Variants in CLASP1 observed in about 807,000 individuals in gnomAD.
The protein encoded by CLASP1 is cytoplasmic linker associated protein 1, also known as CLIP-associating protein 1.
Under a neutral mutation model 192.3 loss-of-function variants are expected in CLASP1, and 38 were observed. That is an observed-to-expected ratio of 0.20 (90% CI 0.15 to 0.26). CLASP1 has a LOEUF of 0.26. CLASP1 is among the 10% of genes least tolerant of loss of function. The pLI is 1.00. For missense variants in CLASP1, 1,433 were observed against 1,932.5 expected, an observed-to-expected ratio of 0.74 and a Z score of 4.85; for synonymous variants, 691 against 712.8, an observed-to-expected ratio of 0.97 and a Z score of 0.49.
intron 1 of CLASP1, among the ~76,000 whole-genome samples, chr2:121,607,495 T>C (rs1372318483): frequency 6.6e-6 from 1 of 152,198 alleles, no homozygotes; most frequent in East Asian, 1.9e-4. Context: ...ATGAGAAAAG[T>C]ACCAAAACCG....
chr2:121,492,036 C>A (rs975091734), intron 8 of CLASP1, among the ~76,000 whole-genome samples: 3 of 152,076 alleles, frequency 2.0e-5, no homozygotes, highest in Non-Finnish European at 4.4e-5. Flanking sequence ...CTGTTGTTCA[C>A]AAGCAACAAA....
At chr2:121,479,430 ACTT>A (rs1384368261) in intron 8 of CLASP1, among the ~76,000 whole-genome samples, 1 of 152,224 alleles carries the variant, frequency 6.6e-6, no homozygotes, top group Non-Finnish European at 1.5e-5. Context: ...ACACCTAACA[ACTT>A]CAACAAAAGG....
At chr2:121,339,602 A>T (rs2062617117) in exon 40 of CLASP1, 2 of 152,176 alleles carry the variant, frequency 1.3e-5, no homozygotes, top group South Asian at 2.1e-4. Context: ...AGGTGTTTTT[A>T]AAAAGGGGGC....
At chr2:121,592,566 T>C (rs1451634973) in intron 2 of CLASP1, among the ~76,000 whole-genome samples, 1 of 152,206 alleles carries the variant, frequency 6.6e-6, no homozygotes, top group Non-Finnish European at 1.5e-5. Flanking sequence ...TTCAAAAACA[T>C]ATGAAGCCAA....
chr2:121,427,002 ATG>A (rs1574670735), intron 21 of CLASP1, among the ~76,000 whole-genome samples: 1 of 151,836 alleles, frequency 6.6e-6, no homozygotes, highest in Non-Finnish European at 1.5e-5. Context: ...GTAAATTTAT[ATG>A]TGTGTTTATT....
chr2:121,596,867 C>T (rs1417998842), intron 2 of CLASP1, among the ~76,000 whole-genome samples: 4 of 152,190 alleles, frequency 2.6e-5, no homozygotes, highest in South Asian at 2.1e-4. Context: ...CTGTGCACCG[C>T]CCTCTCATGT....
intron 7 of CLASP1, among the ~76,000 whole-genome samples, chr2:121,511,033 C>T (rs546162253): frequency 6.6e-6 from 1 of 152,158 alleles, no homozygotes; most frequent in Non-Finnish European, 1.5e-5. Flanking sequence ...ACTTACACAA[C>T]TGGCAGAGAG....
At chr2:121,443,617 T>C (rs1232968934) in intron 19 of CLASP1, among the ~76,000 whole-genome samples, 1 of 152,222 alleles carries the variant, frequency 6.6e-6, no homozygotes, top group Non-Finnish European at 1.5e-5. Context: ...GACAGAGGTT[T>C]CTTGTCCTTA....
exon 38 of CLASP1, chr2:121,348,657 C>T: frequency 6.2e-7 from 1 of 1,613,862 alleles, no homozygotes; most frequent in Non-Finnish European, 8.5e-7. Flanking sequence ...CACCTTGATG[C>T]ACTGCTCCGG....
chr2:121,481,021 G>A (rs1476777753), intron 8 of CLASP1, among the ~76,000 whole-genome samples: 4 of 152,198 alleles, frequency 2.6e-5, no homozygotes, highest in African/African-American at 9.7e-5. Flanking sequence ...TCAGTTCCAT[G>A]AGCCAAGTCA....
chr2:121,590,990 GCC>G (rs1466911008), intron 2 of CLASP1, among the ~76,000 whole-genome samples: 2 of 150,762 alleles, frequency 1.3e-5, no homozygotes, highest in Non-Finnish European at 2.9e-5. Flanking sequence ...GCCTCAGCCT[GCC>G]AAGCAGCTGG....
chr2:121,497,667 C>T (rs1422035197), intron 8 of CLASP1, among the ~76,000 whole-genome samples: 26 of 152,134 alleles, frequency 1.7e-4, no homozygotes, highest in Non-Finnish European at 4.4e-5. Flanking sequence ...CAAGAAGGTG[C>T]AGCCCAAAAA....
chr2:121,409,619 T>C (rs2077405866), intron 24 of CLASP1, among the ~76,000 whole-genome samples: 1 of 152,312 alleles, frequency 6.6e-6, no homozygotes, highest in South Asian at 2.1e-4. Flanking sequence ...AACTAAGAAA[T>C]TTCCCTGCCT....
intron 20 of CLASP1, among the ~76,000 whole-genome samples, chr2:121,428,634 A>G (rs1420642253): frequency 6.6e-6 from 1 of 152,166 alleles, no homozygotes; most frequent in Non-Finnish European, 1.5e-5. Context: ...TTTAAGTTCT[A>G]CACTAAGGAG....
intron 6 of CLASP1, among the ~76,000 whole-genome samples, chr2:121,517,133 G>A (rs1400664026): frequency 6.6e-6 from 1 of 152,214 alleles, no homozygotes; most frequent in Non-Finnish European, 1.5e-5. Context: ...CAGAAGAAAT[G>A]TAACAAATGT....
At chr2:121,416,957 T>G (rs1009675164) in intron 23 of CLASP1, among the ~76,000 whole-genome samples, 6 of 152,226 alleles carry the variant, frequency 3.9e-5, no homozygotes, top group African/African-American at 1.4e-4. Context: ...ACATAAGTTT[T>G]AGGGTTAGGT....
chr2:121,425,625 A>AGGTG (rs2080252896), intron 21 of CLASP1, among the ~76,000 whole-genome samples: 1 of 152,174 alleles, frequency 6.6e-6, no homozygotes, highest in African/African-American at 2.4e-5. Context: ...TAAAAATTTT[A>AGGTG]GGTGTCACTG....
chr2:121,417,545 A>C (rs1263119221), intron 23 of CLASP1, among the ~76,000 whole-genome samples: 1 of 152,172 alleles, frequency 6.6e-6, no homozygotes, highest in African/African-American at 2.4e-5. Context: ...TGCAATAGGT[A>C]AGGTGCCCCA....
At chr2:121,566,933 CA>C (rs796942378) in intron 2 of CLASP1, among the ~76,000 whole-genome samples, 19 of 152,316 alleles carry the variant, frequency 1.2e-4, no homozygotes, top group African/African-American at 4.1e-4. Context: ...AACAGCTTAA[CA>C]GCCCTGGTGT....
Sources: gnomAD v4.1 joint callset for allele counts (sites outside exome capture counted in the v4.1 genomes callset) on GRCh38, gnomAD v4.1.1 for gene constraint, MANE v1.5 for transcripts, NCBI Gene and HGNC (gene_info 2026-07-23, HGNC 2026-07-21) for gene names.